LDB2: variants seen among roughly 807,000 people sequenced by gnomAD.
LDB2 encodes LIM domain-binding protein 2.
LDB2 carries 12 observed loss-of-function variants against 44.3 expected under a neutral mutation model. The ratio of observed to expected loss-of-function variants is 0.27; its 90% CI spans 0.17 to 0.44. The LOEUF (loss-of-function observed/expected upper bound fraction) is 0.44. LDB2 is among the 20% of genes least tolerant of loss of function. LDB2 has a pLI of 1.00. For missense variants in LDB2, 344 were observed against 473.5 expected (o/e 0.73, Z 2.54); for synonymous variants, 164 against 174.8 (o/e 0.94, Z 0.49).
At chr4:16,825,622 C>G (rs1402254798) in intron 1 of LDB2, among the ~76,000 whole-genome samples, 3 of 151,878 alleles carry the variant, frequency 2.0e-5, no homozygotes, top group African/African-American at 7.3e-5. Flanking sequence ...AAACTGAGCC[C>G]AGGTTTACAA....
chr4:16,571,846 G>A (rs1746639165), intron 5 of LDB2, among the ~76,000 whole-genome samples: 1 of 152,142 alleles, frequency 6.6e-6, no homozygotes, highest in Non-Finnish European at 1.5e-5. Context: ...ACTTATAGCT[G>A]TTCCCAAATT....
chr4:16,590,354 AAATT>A (rs757843650), intron 3 of LDB2, among the ~76,000 whole-genome samples: 20 of 152,350 alleles, frequency 1.3e-4, no homozygotes, highest in African/African-American at 3.6e-4. Context: ...GAATAAGTAA[AAATT>A]AATTAACTGA....
At chr4:16,577,989 A>G (rs1712467374) in intron 5 of LDB2, among the ~76,000 whole-genome samples, 1 of 152,182 alleles carries the variant, frequency 6.6e-6, no homozygotes, top group Non-Finnish European at 1.5e-5. Flanking sequence ...AATACATAGT[A>G]CTGGGAAAAC....
intron 2 of LDB2, among the ~76,000 whole-genome samples, chr4:16,756,261 C>T (rs1276258904): frequency 6.6e-6 from 1 of 152,074 alleles, no homozygotes; most frequent in African/African-American, 2.4e-5. Flanking sequence ...ACCAGCCTGG[C>T]CAACATGGTG....
intron 5 of LDB2, among the ~76,000 whole-genome samples, chr4:16,552,433 C>T (rs1738002772): frequency 6.6e-6 from 1 of 152,162 alleles, no homozygotes; most frequent in Non-Finnish European, 1.5e-5. Flanking sequence ...TCTTTCTAAG[C>T]ATTCAACCAT....
chr4:16,514,562 T>C (rs1333175371), intron 5 of LDB2, among the ~76,000 whole-genome samples: 1 of 152,242 alleles, frequency 6.6e-6, no homozygotes, highest in East Asian at 1.9e-4. Context: ...GGTTCTTCAG[T>C]TGTTTGTACC....
intron 1 of LDB2, among the ~76,000 whole-genome samples, chr4:16,835,309 G>A (rs773533646): frequency 6.6e-6 from 1 of 152,172 alleles, no homozygotes; most frequent in Non-Finnish European, 1.5e-5. Flanking sequence ...CCCAGACAGA[G>A]GTAGCCCAAT....
intron 1 of LDB2, among the ~76,000 whole-genome samples, chr4:16,782,911 A>C (rs1273207825): frequency 6.6e-6 from 1 of 151,888 alleles, no homozygotes; most frequent in Non-Finnish European, 1.5e-5. Context: ...AGATAACTTT[A>C]GACAATGAGA....
intron 2 of LDB2, among the ~76,000 whole-genome samples, chr4:16,691,199 C>T (rs1429277687): frequency 6.6e-6 from 1 of 152,074 alleles, no homozygotes; most frequent in Admixed American, 6.5e-5. Context: ...GCCTCTAAGG[C>T]TCTAAGGTCT....
At chr4:16,599,818 G>C (rs1266029968) in intron 2 of LDB2, among the ~76,000 whole-genome samples, 1 of 152,142 alleles carries the variant, frequency 6.6e-6, no homozygotes, top group Non-Finnish European at 1.5e-5. Flanking sequence ...AAAGCTCCAT[G>C]GTTGACGGTC....
chr4:16,712,193 T>C (rs1336612718), intron 2 of LDB2, among the ~76,000 whole-genome samples: 1 of 152,118 alleles, frequency 6.6e-6, no homozygotes, highest in African/African-American at 2.4e-5. Context: ...CCAGAATATA[T>C]AAAGAACTCT....
At chr4:16,619,115 GTAGTTC>G (rs1280640801) in intron 2 of LDB2, among the ~76,000 whole-genome samples, 3 of 152,186 alleles carry the variant, frequency 2.0e-5, no homozygotes, top group African/African-American at 7.2e-5. Context: ...CCAGTCTCAG[GTAGTTC>G]TTTATAGCAA....
intron 2 of LDB2, among the ~76,000 whole-genome samples, chr4:16,610,529 T>C (rs967369602): frequency 2.0e-5 from 3 of 152,046 alleles, no homozygotes; most frequent in African/African-American, 7.2e-5. Context: ...AATGACCTGA[T>C]AGAGCTGAAA....
At chr4:16,559,581 C>T (rs139837244) in intron 5 of LDB2, among the ~76,000 whole-genome samples, 13,947 of 152,070 alleles carry the variant, frequency 0.092, 720 homozygotes, top group South Asian at 0.16. Flanking sequence ...CCTTAGTGAC[C>T]TACAAAGAGA....
At chr4:16,896,482 C>T (rs552420112) in intron 1 of LDB2, among the ~76,000 whole-genome samples, 1 of 152,046 alleles carries the variant, frequency 6.6e-6, no homozygotes, top group East Asian at 1.9e-4. Flanking sequence ...GCCAAGTGCT[C>T]AGTAATGGGC....
At chr4:16,755,640 C>T (rs1310408308) in intron 2 of LDB2, among the ~76,000 whole-genome samples, 3 of 151,946 alleles carry the variant, frequency 2.0e-5, no homozygotes, top group African/African-American at 7.3e-5. Context: ...CTCTCTGGAC[C>T]AAGTTTCCAT....
chr4:16,659,123 T>C (rs1175831105), intron 2 of LDB2, among the ~76,000 whole-genome samples: 1 of 151,788 alleles, frequency 6.6e-6, no homozygotes, highest in Non-Finnish European at 1.5e-5. Context: ...ACAGACACAT[T>C]CTTACATATA....
intron 1 of LDB2, among the ~76,000 whole-genome samples, chr4:16,813,384 A>G (rs763102303): frequency 1.4e-4 from 21 of 152,206 alleles, no homozygotes; most frequent in Non-Finnish European, 2.6e-4. Flanking sequence ...GAAGTCTTCA[A>G]TGAGAGCCCA....
In LDB2 at chr4:16,550,264, C is replaced by T. The variant is rs572519621; in HGVS notation, c.615+35658G>A. Among the ~76,000 whole-genome samples, 7 of 152,294 alleles carry T rather than the reference C, an allele frequency of 4.6e-5. No homozygotes were observed. The South Asian group carries it at 1.5e-3, about 32-fold the overall frequency. On this transcript the variant is annotated intron_variant, in intron 5 of 7. Coordinates refer to ENST00000304523, the MANE Select transcript of LDB2 (RefSeq NM_001290.5). ...TTAGGTCCTACTAGAATTAATCTCC[C>T]CATCTCTGCAGTTTCCTTCCCTATA...
Sources: allele counts gnomAD v4.1 joint callset (sites outside exome capture counted in the v4.1 genomes callset), GRCh38; gene constraint gnomAD v4.1.1; transcripts MANE v1.5; gene names NCBI Gene and HGNC (gene_info 2026-07-23, HGNC 2026-07-21).